USH1C: variants seen among roughly 807,000 people sequenced by gnomAD.
The protein encoded by USH1C is harmonin.
USH1C carries 90 observed loss-of-function variants against 119.3 expected under a neutral mutation model. The ratio of observed to expected loss-of-function variants is 0.75; its 90% CI spans 0.64 to 0.90. The LOEUF is 0.90. USH1C is among the 40% of genes least tolerant of loss of function. The pLI is 0.00. For missense variants in USH1C, 1,165 were observed against 1,167.7 expected (o/e 1.00, Z 0.03); for synonymous variants, 465 against 443.3 (o/e 1.05, Z -0.62).
chr11:17,517,367 C>A (rs1209504521), intron 14 of USH1C: 12 of 1,556,010 alleles, frequency 7.7e-6, no homozygotes, highest in Non-Finnish European at 1.0e-5. Context: ...TAAAGCAGAG[C>A]AGCCAGGCCA....
At chr11:17,519,330 C>A (rs2133861659) in intron 14 of USH1C, among the ~76,000 whole-genome samples, 1 of 152,312 alleles carries the variant, frequency 6.6e-6, no homozygotes, top group East Asian at 1.9e-4. Context: ...CGGGGGTCAT[C>A]CATCCTGTGC....
chr11:17,516,501 G>A lies in USH1C; in HGVS notation c.1211-211C>T, dbSNP rs2237960. On this transcript the variant is annotated intron_variant, in intron 14 of 26. Coordinates refer to ENST00000005226, the MANE Select transcript of USH1C (RefSeq NM_153676.4). ...AACAGGCCTAAGACCACCGAGAAAAGCCCCGGTTCCCAGGCCCTGGGTCAC... is the reference window on the plus strand; with the variant it reads ...AACAGGCCTAAGACCACCGAGAAAAACCCCGGTTCCCAGGCCCTGGGTCAC... The A allele has an allele frequency of 0.12, 73,864 of 600,448 alleles. 4,954 individuals are homozygous for A. Among genetic ancestry groups the A allele is most frequent in the East Asian group, 0.23 (7,839 of 33,562 alleles). 37.2% of individuals were successfully genotyped at this position (600,448 alleles called of 1,614,324 possible).
chr11:17,542,163 C>T (rs1851497808), intron 1 of USH1C, among the ~76,000 whole-genome samples: 1 of 152,238 alleles, frequency 6.6e-6, no homozygotes, highest in Non-Finnish European at 1.5e-5. Flanking sequence ...GTAACTTGCT[C>T]AAGGTCACAG....
intron 1 of USH1C, 49 bp from the exon 2 acceptor site, chr11:17,533,371 C>CCCA (rs1554963821): frequency 2.2e-6 from 3 of 1,340,180 alleles, no homozygotes; most frequent in African/African-American, 3.0e-5. Context: ...GCACCCGCCC[C>CCCA]CATAGCAGAC....
At chr11:17,498,985 G>T (rs910648068) in intron 23 of USH1C, among the ~76,000 whole-genome samples, 2 of 152,230 alleles carry the variant, frequency 1.3e-5, no homozygotes, top group Non-Finnish European at 2.9e-5. Flanking sequence ...AAATGAAGCT[G>T]TAATAAGGTG....
rs747868614 is a variant in USH1C, at chr11:17,507,134, G to C, written c.2014-1185C>G. Among the ~76,000 whole-genome samples, 82 of 152,288 alleles carry C rather than the reference G, an allele frequency of 5.4e-4. 5 individuals are homozygous for C. The highest frequency in any genetic ancestry group is 1.2e-4 in the Non-Finnish European group (8 of 68,018). On this transcript the variant is annotated intron_variant, in intron 18 of 26. Transcript: ENST00000005226. The stretch of plus-strand genomic sequence containing the variant: ...CTGCTGGTGGCTGGGCTGACTGTGT[G>C]GGCGTGTGGTCACTCACACTTCCTG...
intron 26 of USH1C, chr11:17,494,697 T>G: frequency 2.4e-6 from 1 of 422,422 alleles, no homozygotes; most frequent in Non-Finnish European, 4.5e-6. Flanking sequence ...AGCCATGGTC[T>G]ACCCGGCCAA....
intron 14 of USH1C, 24 bp downstream of exon 14, chr11:17,520,846 C>A (rs375107405): frequency 6.2e-7 from 1 of 1,614,084 alleles, no homozygotes; most frequent in Admixed American, 1.7e-5. Flanking sequence ...CCCTTAGCCT[C>A]TCCCCTCGGC....
At chr11:17,504,500 G>T in intron 20 of USH1C, 147 bp downstream of exon 20, 1 of 866,780 alleles carries the variant, frequency 1.2e-6, no homozygotes, top group Non-Finnish European at 1.9e-6. Flanking sequence ...CGCAGGCAAT[G>T]GAGGACACAG....
chr11:17,521,443 C>T, intron 12 of USH1C, 32 bp from the exon 13 acceptor site: 2 of 1,608,670 alleles, frequency 1.2e-6, no homozygotes, highest in Non-Finnish European at 1.7e-6. Flanking sequence ...GCATGTTTGG[C>T]CCTATGCAAG....
chr11:17,533,958 T>C, intron 1 of USH1C: 1 of 292,422 alleles, frequency 3.4e-6, no homozygotes, highest in Non-Finnish European at 6.9e-6. Context: ...GAGCGTCAGG[T>C]TACATCATTT....
At chr11:17,543,095 T>C (rs1468235347) in intron 1 of USH1C, among the ~76,000 whole-genome samples, 1 of 152,212 alleles carries the variant, frequency 6.6e-6, no homozygotes, top group Non-Finnish European at 1.5e-5. Flanking sequence ...GGGCACAGAC[T>C]GGGTATGGCT....
intron 15 of USH1C, among the ~76,000 whole-genome samples, chr11:17,513,250 C>A (rs1160413373): frequency 6.6e-6 from 1 of 152,074 alleles, no homozygotes; most frequent in Non-Finnish European, 1.5e-5. Flanking sequence ...GAGGACAGAG[C>A]GAGCATTCAG....
chr11:17,530,984 C>A (rs527683808), intron 4 of USH1C, among the ~76,000 whole-genome samples, 170 bp downstream of exon 4: 77 of 152,218 alleles, frequency 5.1e-4, no homozygotes, highest in Non-Finnish European at 1.0e-3. Flanking sequence ...TGCCTGCGGC[C>A]TGATTTCTAT....
At chr11:17,518,205 ATT>A (rs1850244259) in intron 14 of USH1C, among the ~76,000 whole-genome samples, 1 of 152,244 alleles carries the variant, frequency 6.6e-6, no homozygotes, top group Admixed American at 6.5e-5. Context: ...CTTGGCTCAA[ATT>A]ACATTTACCC....
intron 20 of USH1C, 138 bp from the exon 21 acceptor site, chr11:17,502,118 G>A (rs536229809): frequency 2.5e-6 from 2 of 812,412 alleles, no homozygotes; most frequent in African/African-American, 1.7e-5. Context: ...CCAGGGTACG[G>A]GATGCAGACA....
chr11:17,523,000 G>A (rs1850488180), intron 11 of USH1C, 74 bp from the exon 12 acceptor site: 25 of 1,596,196 alleles, frequency 1.6e-5, no homozygotes, highest in Non-Finnish European at 1.8e-5. Flanking sequence ...CCTGGGGGCC[G>A]AGATGCAGGT....
chr11:17,498,293 T>C (rs1174240472), intron 23 of USH1C, 22 bp from the exon 24 acceptor site: 15 of 1,610,598 alleles, frequency 9.3e-6, no homozygotes, highest in African/African-American at 1.3e-5. Flanking sequence ...TGAGGCTGAT[T>C]GGCCAACTGG....
rs202129183 is a variant in USH1C at position 17,510,527 on chromosome 11, A to T, written c.1414-6T>A. Reference sequence around the variant, plus strand: ...TCCCGCTCTGTCTCAGACACCTGGGACCCAGGATCGGCGCAGAAAGGAGAG... The same window carrying T: ...TCCCGCTCTGTCTCAGACACCTGGGTCCCAGGATCGGCGCAGAAAGGAGAG... On this transcript the variant is annotated splice_polypyrimidine_tract_variant and splice_region_variant and intron_variant, in intron 16 of 26. Coordinates refer to ENST00000005226, the MANE Select transcript of USH1C (RefSeq NM_153676.4). The T allele has an allele frequency of 3.1e-6, 5 of 1,611,130 alleles. No individual in the cohort carries two copies. The highest frequency in any genetic ancestry group is 4.2e-6 in the Non-Finnish European group (5 of 1,177,318).
Sources: gnomAD v4.1 joint callset for allele counts (sites outside exome capture counted in the v4.1 genomes callset) on GRCh38, gnomAD v4.1.1 for gene constraint, MANE v1.5 for transcripts, NCBI Gene and HGNC (gene_info 2026-07-23, HGNC 2026-07-21) for gene names.